SCMH1: variants seen among roughly 807,000 people sequenced by gnomAD.
SCMH1 encodes the protein polycomb protein SCMH1.
SCMH1 carries 37 observed loss-of-function variants against 70.8 expected under a neutral mutation model. The observed-to-expected ratio is 0.52, with a 90% CI of 0.40 to 0.69. SCMH1 has a LOEUF of 0.69. Among genes scored for constraint, SCMH1 ranks in the 30% least tolerant of loss-of-function variants. SCMH1 has a pLI of 0.00. For missense variants in SCMH1, 607 were observed against 827.3 expected, an observed-to-expected ratio of 0.73 and a Z score of 3.27; for synonymous variants, 292 against 307.4, an observed-to-expected ratio of 0.95 and a Z score of 0.52.
chr1:41,106,374 T>C (rs1288842966), intron 8 of SCMH1, among the ~76,000 whole-genome samples: 3 of 151,680 alleles, frequency 2.0e-5, no homozygotes, highest in Non-Finnish European at 2.9e-5. Flanking sequence ...CACACTGCCA[T>C]CTGCCTGCTC....
intron 12 of SCMH1, among the ~76,000 whole-genome samples, chr1:41,038,540 G>A (rs926347396): frequency 2.0e-5 from 3 of 152,166 alleles, no homozygotes; most frequent in African/African-American, 7.2e-5. Flanking sequence ...CACACAGTAA[G>A]GCCTCAATGT....
At chr1:41,207,810 A>G (rs1287336026) in intron 1 of SCMH1, among the ~76,000 whole-genome samples, 1 of 151,822 alleles carries the variant, frequency 6.6e-6, no homozygotes, top group South Asian at 2.1e-4. Flanking sequence ...AAATAGGAAC[A>G]CTTTTACACT....
In SCMH1 at chr1:41,070,578, C is replaced by G. The variant is rs763225475; in HGVS notation, c.1105+17G>C. Reference sequence around the variant, plus strand: ...GTCTGGGGCTTGTGCGCAGGTAGTCCTGTCATCTGCTCTTACCTGTTGGGG... The same window carrying G: ...GTCTGGGGCTTGTGCGCAGGTAGTCGTGTCATCTGCTCTTACCTGTTGGGG... On this transcript the variant is annotated intron_variant, in intron 10 of 14. Coordinates refer to ENST00000337495, the Ensembl canonical transcript of SCMH1. The G allele has an allele frequency of 6.2e-7, 1 of 1,613,914 alleles. No homozygotes were observed. Among genetic ancestry groups the G allele is most frequent in the South Asian group, 1.1e-5 (1 of 91,034 alleles).
chr1:41,141,679 C>G lies in SCMH1; in HGVS notation c.412+1199G>C, dbSNP rs181584207. 4.6e-5 allele frequency among the ~76,000 whole-genome samples: 7 copies of G among 152,188 alleles called. No individual in the cohort carries two copies. The East Asian group carries it at 1.2e-3, about 25-fold the overall frequency. On this transcript the variant is annotated intron_variant, in intron 6 of 14. Transcript: ENST00000337495. ...TTTAGAAAATTTAAAAGACAAATGA[C>G]TTAGGTTTTTAAACAAATAAACTGC...
chr1:41,074,651 T>A (rs1657636864), intron 9 of SCMH1, among the ~76,000 whole-genome samples: 1 of 152,184 alleles, frequency 6.6e-6, no homozygotes, highest in African/African-American at 2.4e-5. Context: ...CCATGTACAC[T>A]AGACCAGAAT....
intron 11 of SCMH1, among the ~76,000 whole-genome samples, chr1:41,047,293 A>G (rs1184092087): frequency 6.6e-6 from 1 of 152,032 alleles, no homozygotes; most frequent in Non-Finnish European, 1.5e-5. Flanking sequence ...AAAGAAGGCC[A>G]GGTTCCTACA....
intron 8 of SCMH1, among the ~76,000 whole-genome samples, chr1:41,108,707 T>C (rs1406835730): frequency 6.6e-6 from 1 of 152,114 alleles, no homozygotes; most frequent in Non-Finnish European, 1.5e-5. Context: ...ACACAGGAAT[T>C]ACTTCAAAAA....
intron 2 of SCMH1, among the ~76,000 whole-genome samples, chr1:41,181,189 A>C (rs1648653105): frequency 6.6e-6 from 1 of 152,218 alleles, no homozygotes; most frequent in South Asian, 2.1e-4. Context: ...CCTTATACAA[A>C]AATTAATTCA....
chr1:41,204,966 A>G (rs1481776108), intron 1 of SCMH1, among the ~76,000 whole-genome samples: 3 of 152,228 alleles, frequency 2.0e-5, no homozygotes, highest in African/African-American at 4.8e-5. Flanking sequence ...TACTTACTGA[A>G]TTGAAAATAC....
At chr1:41,210,456 CTACAT>C (rs1050210499) in intron 1 of SCMH1, among the ~76,000 whole-genome samples, 7 of 152,170 alleles carry the variant, frequency 4.6e-5, no homozygotes, top group African/African-American at 1.7e-4. Flanking sequence ...TGACTTCAAA[CTACAT>C]TACAAGACTA....
chr1:41,113,307 T>G lies in SCMH1; in HGVS notation c.721A>C (p.Asn241His). 1 of 1,613,768 alleles carries G rather than the reference T, an allele frequency of 6.2e-7. No homozygotes were observed. Among genetic ancestry groups the G allele is most frequent in the Non-Finnish European group, 8.5e-7 (1 of 1,179,876 alleles). ...CCTTTGGTGCCAGGAGGCTGCAGGTTGTCTCCAGTCAAGGAACACCAGCCC... is the reference window on the plus strand; with the variant it reads ...CCTTTGGTGCCAGGAGGCTGCAGGTGGTCTCCAGTCAAGGAACACCAGCCC... The change falls in exon 8 of 15, where the codon AAC (asparagine) becomes CAC (histidine). Residue 241 changes from asparagine (N) to histidine (H), a missense_variant. Asn to His is a moderately conservative substitution (Grantham distance 68). This residue lies in a region of SCMH1 where 430 missense variants were observed against 528.2 expected (regional missense o/e 0.81). Coordinates refer to ENST00000337495, the Ensembl canonical transcript of SCMH1. The surrounding 1 kb of genome is among the most constrained non-coding windows in gnomAD (Gnocchi z 4.3).
intron 2 of SCMH1, among the ~76,000 whole-genome samples, chr1:41,164,365 T>TA (rs60879523): frequency 2.3e-4 from 34 of 148,118 alleles, no homozygotes; most frequent in Admixed American, 5.4e-4. Flanking sequence ...TTCCAATTTC[T>TA]AAAAAAAAAA....
At chr1:41,217,059 G>A (rs539070718) in intron 1 of SCMH1, among the ~76,000 whole-genome samples, 3 of 152,280 alleles carry the variant, frequency 2.0e-5, no homozygotes, top group South Asian at 2.1e-4. Context: ...ATGGGGTAAC[G>A]GGTAGGGACT....
At chr1:41,145,422 T>C (rs962309060) in intron 5 of SCMH1, among the ~76,000 whole-genome samples, 3 of 152,218 alleles carry the variant, frequency 2.0e-5, no homozygotes, top group African/African-American at 4.8e-5. Context: ...TGGATCTATA[T>C]GTCTATTTTC....
intron 6 of SCMH1, among the ~76,000 whole-genome samples, chr1:41,117,678 C>T (rs997817297): frequency 6.6e-6 from 1 of 152,194 alleles, no homozygotes; most frequent in African/African-American, 2.4e-5. Context: ...CTGGCTCTGC[C>T]TTTTAGTTAG....
At chr1:41,031,108 G>A (rs185615416) in intron 13 of SCMH1, among the ~76,000 whole-genome samples, 60 of 152,262 alleles carry the variant, frequency 3.9e-4, no homozygotes, top group Admixed American at 3.6e-3. Context: ...GCAACATTGC[G>A]AGACCCTGTC....
intron 6 of SCMH1, among the ~76,000 whole-genome samples, chr1:41,130,948 GT>G (rs1328377991): frequency 6.6e-6 from 1 of 151,770 alleles, no homozygotes; most frequent in African/African-American, 2.4e-5. Context: ...TTTTTCTTTT[GT>G]TTTTTTGTGC....
chr1:41,191,386 C>G (rs1651686864), intron 1 of SCMH1, among the ~76,000 whole-genome samples: 1 of 152,152 alleles, frequency 6.6e-6, no homozygotes, highest in Admixed American at 6.5e-5. Flanking sequence ...TTGAACATAT[C>G]AAAATGGCTA....
intron 6 of SCMH1, among the ~76,000 whole-genome samples, chr1:41,124,362 A>T (rs1170543946): frequency 6.6e-6 from 1 of 152,180 alleles, no homozygotes; most frequent in Non-Finnish European, 1.5e-5. Flanking sequence ...ATGTTCTTTA[A>T]AACTGTTGAT....
Sources: gnomAD v4.1 joint callset for allele counts (sites outside exome capture counted in the v4.1 genomes callset) on GRCh38, gnomAD v4.1.1 for gene constraint, gnomAD v4.1.1 regional missense constraint, Gnocchi (gnomAD v3.1) non-coding constraint, MANE v1.5 for transcripts, NCBI Gene and HGNC (gene_info 2026-07-23, HGNC 2026-07-21) for gene names.